The following ATP10B variants were observed in gnomAD, a reference collection of about 807,000 sequenced individuals.
ATP10B encodes the protein ATPase phospholipid transporting 10B (putative).
Under a neutral mutation model 141.2 loss-of-function variants are expected in ATP10B, and 122 were observed. The observed-to-expected ratio is 0.86, with a 90% CI of 0.75 to 1.00. The LOEUF is 1.00. Ranked by LOEUF, ATP10B falls within the 50% of genes least tolerant of loss-of-function variation. The probability of loss-of-function intolerance (pLI) is 0.00; values close to 1 mark genes in which losing one functional copy is unlikely to be tolerated. For missense variants in ATP10B, 1,876 were observed against 1,825.3 expected (o/e 1.03, Z -0.51); for synonymous variants, 685 against 692.0 (o/e 0.99, Z 0.16).
intron 24 of ATP10B, among the ~76,000 whole-genome samples, chr5:160,583,334 G>A (rs1481054703): frequency 6.6e-6 from 1 of 152,054 alleles, no homozygotes; most frequent in East Asian, 1.9e-4. Context: ...TAACAGTCAG[G>A]CCTGTCTGCT....
At chr5:160,705,316 G>A (rs1247692484) in intron 3 of ATP10B, among the ~76,000 whole-genome samples, 1 of 152,054 alleles carries the variant, frequency 6.6e-6, no homozygotes, top group African/African-American at 2.4e-5. Context: ...CAACATCCCA[G>A]GCTCAAGCAA....
chr5:160,805,005 T>C (rs557998477), intron 1 of ATP10B, among the ~76,000 whole-genome samples: 2 of 152,314 alleles, frequency 1.3e-5, no homozygotes, highest in Admixed American at 6.5e-5. Context: ...GTATTTTCAA[T>C]TTGTATTTGG....
chr5:160,625,244 C>G (rs762031924), intron 13 of ATP10B, among the ~76,000 whole-genome samples: 1 of 152,160 alleles, frequency 6.6e-6, no homozygotes, highest in Non-Finnish European at 1.5e-5. Flanking sequence ...CAGGCAAGAT[C>G]CTGCATGTGA....
chr5:160,565,924 G>T, intron 25 of ATP10B, 24 bp from the exon 26 acceptor site: 2 of 1,565,466 alleles, frequency 1.3e-6, no homozygotes, highest in Non-Finnish European at 1.7e-6. Flanking sequence ...ACAGAATAAA[G>T]ATATTTCTGA....
intron 2 of ATP10B, among the ~76,000 whole-genome samples, chr5:160,726,452 C>G (rs1766368561): frequency 6.6e-6 from 1 of 152,090 alleles, no homozygotes; most frequent in African/African-American, 2.4e-5. Context: ...CCTGTTCATC[C>G]CAGCCCTAGA....
At position 160,652,790 on chromosome 5, in the gene ATP10B, ATATATAATATAT is replaced by A. The variant is rs1423462377; in HGVS notation, c.676-3546_676-3535del. 7.2e-3 allele frequency among the ~76,000 whole-genome samples: 738 copies of A among 102,954 alleles called. 27 individuals are homozygous for A. The highest frequency in any genetic ancestry group is 0.039 in the Admixed American group (282 of 7,206). The allele number at this position is 102,954 out of a possible 152,430, so 67.5% of individuals were successfully genotyped here. A position where few individuals can be genotyped will look rare whatever the true frequency, so the allele number is the denominator to read the frequency against. On this transcript the variant is annotated intron_variant, in intron 7 of 25. Transcript: ENST00000327245. ...TACATAAATATAAATATATATAAAA[ATATATAATATAT>A]TATATAATATATTATATATTAATTA... is the stretch of plus-strand genomic sequence containing the variant.
At chr5:160,633,434 TC>T (rs1759081331) in intron 12 of ATP10B, 1 of 152,122 alleles carries the variant, frequency 6.6e-6, no homozygotes, top group African/African-American at 2.4e-5. Flanking sequence ...CAGGAAACCA[TC>T]AGCAAACTAA....
intron 1 of ATP10B, among the ~76,000 whole-genome samples, chr5:160,830,079 C>G (rs928562860): frequency 2.6e-4 from 40 of 151,988 alleles, no homozygotes; most frequent in African/African-American, 9.7e-4. Context: ...ATGATGTTGG[C>G]TGTGGATTTT....
At chr5:160,698,028 C>T (rs185406640) in intron 3 of ATP10B, among the ~76,000 whole-genome samples, 1 of 152,300 alleles carries the variant, frequency 6.6e-6, no homozygotes, top group African/African-American at 2.4e-5. Flanking sequence ...TAGAGTCTCA[C>T]AAATTATCTT....
the ATP10B span, among the ~76,000 whole-genome samples, chr5:160,900,629 T>C: frequency 6.6e-6 from 1 of 152,202 alleles, no homozygotes; most frequent in Non-Finnish European, 1.5e-5. Flanking sequence ...GTATTTAATG[T>C]AGAAGTGCAT....
intron 24 of ATP10B, among the ~76,000 whole-genome samples, chr5:160,573,614 TC>T: frequency 6.6e-6 from 1 of 152,128 alleles, no homozygotes; most frequent in South Asian, 2.1e-4. Context: ...GCACGAGAAC[TC>T]TATTGTGAAC....
At chr5:160,718,674 G>A (rs1249657577) in intron 2 of ATP10B, among the ~76,000 whole-genome samples, 1 of 152,046 alleles carries the variant, frequency 6.6e-6, no homozygotes, top group Non-Finnish European at 1.5e-5. Context: ...ACTCTCATGG[G>A]AACTAATCCA....
intron 2 of ATP10B, among the ~76,000 whole-genome samples, chr5:160,764,530 C>A (rs1459320037): frequency 6.6e-6 from 1 of 151,984 alleles, no homozygotes; most frequent in Non-Finnish European, 1.5e-5. Flanking sequence ...ATGATTAAAA[C>A]CCTCAGCAAA....
chr5:160,708,217 C>T (rs1020811928), intron 3 of ATP10B, among the ~76,000 whole-genome samples: 3 of 152,042 alleles, frequency 2.0e-5, no homozygotes, highest in African/African-American at 7.2e-5. Flanking sequence ...ATTTTTAAAA[C>T]AAAACTAGCA....
chr5:160,631,478 G>T (rs993870060), intron 13 of ATP10B, among the ~76,000 whole-genome samples: 1 of 152,248 alleles, frequency 6.6e-6, no homozygotes, highest in African/African-American at 2.4e-5. Flanking sequence ...GCCCATAAGG[G>T]CCGAAGGGAA....
the ATP10B span, among the ~76,000 whole-genome samples, chr5:160,859,467 C>A: frequency 5.3e-5 from 8 of 151,616 alleles, no homozygotes; most frequent in East Asian, 1.4e-3. Flanking sequence ...ATTTCCTCAC[C>A]TTCTTAAATC....
At chr5:160,721,312 CA>C (rs948589583) in intron 2 of ATP10B, among the ~76,000 whole-genome samples, 19 of 152,018 alleles carry the variant, frequency 1.2e-4, no homozygotes. Flanking sequence ...TTTTGAGGTA[CA>C]AAATAGATTC....
Position 160,589,813 on chromosome 5 carries a change from G to C in ATP10B, c.3646-117C>G, listed in dbSNP as rs185590356. 4 of 733,036 alleles carry C rather than the reference G, an allele frequency of 5.5e-6. No homozygotes were observed. The East Asian group carries it at 8.0e-5, about 15-fold the overall frequency. 45.4% of individuals were successfully genotyped at this position (733,036 alleles called of 1,614,324 possible). ...TTGTCAATGGAGAAGGAGGTACCCA[G>C]CTGCCATCTGTGTGGTACTGATCCG... On this transcript the variant is annotated intron_variant, in intron 23 of 25. Transcript: ENST00000327245.
At chr5:160,665,415 T>C (rs1762264085) in intron 7 of ATP10B, among the ~76,000 whole-genome samples, 1 of 152,200 alleles carries the variant, frequency 6.6e-6, no homozygotes, top group Non-Finnish European at 1.5e-5. Flanking sequence ...TCTGAAAAGG[T>C]CCATAGGAAT....
Sources: allele counts gnomAD v4.1 joint callset (sites outside exome capture counted in the v4.1 genomes callset), GRCh38; gene constraint gnomAD v4.1.1; transcripts MANE v1.5; gene names NCBI Gene and HGNC (gene_info 2026-07-23, HGNC 2026-07-21).